The following MCC variants were observed in gnomAD, a reference collection of about 807,000 sequenced individuals.
The protein encoded by MCC is MCC regulator of Wnt signaling pathway.
MCC carries 90 observed loss-of-function variants against 116.2 expected under a neutral mutation model. That is an observed-to-expected ratio of 0.77 (90% CI 0.65 to 0.92). MCC has a LOEUF of 0.92. Ranked by LOEUF, MCC falls within the 40% of genes least tolerant of loss-of-function variation. The pLI is 0.00. For missense variants in MCC, 1,516 were observed against 1,312.2 expected (o/e 1.16, Z -2.40); for synonymous variants, 578 against 510.5 (o/e 1.13, Z -1.78).
intron 1 of MCC, among the ~76,000 whole-genome samples, chr5:113,462,284 C>A (rs1191515550): frequency 1.3e-5 from 2 of 152,170 alleles, no homozygotes; most frequent in Admixed American, 6.5e-5. Context: ...TTTTAAAACA[C>A]CTCATGCACA....
intron 3 of MCC, among the ~76,000 whole-genome samples, chr5:113,251,568 T>A (rs1193304914): frequency 1.3e-5 from 2 of 152,196 alleles, no homozygotes; most frequent in South Asian, 4.1e-4. Context: ...GGCTGTGGCC[T>A]CGTGGAGAAG....
intron 18 of MCC, among the ~76,000 whole-genome samples, chr5:113,028,635 A>T (rs985506301): frequency 6.6e-6 from 1 of 152,194 alleles, no homozygotes; most frequent in African/African-American, 2.4e-5. Context: ...ATTTTTTATT[A>T]TATGACTTCT....
intron 12 of MCC, among the ~76,000 whole-genome samples, chr5:113,069,968 CGTTTCAAAGGCA>C (rs1336331315): frequency 2.6e-5 from 4 of 152,202 alleles, no homozygotes; most frequent in African/African-American, 9.7e-5. Flanking sequence ...ACCAGCTCCT[CGTTTCAAAGGCA>C]GTTCATATTC....
At chr5:113,107,558 G>C (rs1756820484) in intron 6 of MCC, among the ~76,000 whole-genome samples, 1 of 152,132 alleles carries the variant, frequency 6.6e-6, no homozygotes, top group Non-Finnish European at 1.5e-5. Flanking sequence ...ACCAACTGGA[G>C]GCAAAGGACC....
chr5:113,330,612 A>G (rs1277442071), intron 3 of MCC, among the ~76,000 whole-genome samples: 1 of 152,244 alleles, frequency 6.6e-6, no homozygotes, highest in East Asian at 1.9e-4. Flanking sequence ...CTGTTTTTAT[A>G]AAATACTTCA....
At chr5:113,432,349 GA>G (rs1292872382) in intron 1 of MCC, among the ~76,000 whole-genome samples, 3 of 138,184 alleles carry the variant, frequency 2.2e-5, no homozygotes. Context: ...AAAAAGAAAA[GA>G]AAAAAAAACA....
intron 1 of MCC, among the ~76,000 whole-genome samples, chr5:113,429,437 T>C (rs1396812603): frequency 1.3e-5 from 2 of 152,184 alleles, no homozygotes; most frequent in African/African-American, 4.8e-5. Context: ...ATTTCTATTA[T>C]TTAAACCACC....
intron 13 of MCC, among the ~76,000 whole-genome samples, chr5:113,064,433 A>G (rs2150229992): frequency 6.6e-6 from 1 of 152,276 alleles, no homozygotes; most frequent in Admixed American, 6.5e-5. Context: ...GGATCACCAC[A>G]TTTCTGTTTC....
chr5:113,115,679 G>C (rs1757353633), intron 6 of MCC, among the ~76,000 whole-genome samples: 1 of 152,026 alleles, frequency 6.6e-6, no homozygotes, highest in Admixed American at 6.5e-5. Context: ...AGTTCCGTCA[G>C]TGGTTTCTGC....
rs2150439501 is a variant in MCC at position 113,488,364 on chromosome 5, G to GCCA, written c.50_51insTGG (p.Gly21dup). 6.6e-7 allele frequency: 1 copy of GCCA among 1,519,656 alleles called. No homozygotes were observed. Among genetic ancestry groups the GCCA allele is most frequent in the South Asian group, 1.2e-5 (1 of 80,162 alleles). 94.1% of individuals were successfully genotyped at this position (1,519,656 alleles called of 1,614,324 possible). ...TGCTGCTGCCGCTGCCGCCGCCGCCGCCGCCGCTGCTGGAGCTCCCCGCAG... is the reference window on the plus strand; with the variant it reads ...TGCTGCTGCCGCTGCCGCCGCCGCCGCCACCGCCGCTGCTGGAGCTCCCCGCAG... On this transcript the variant is annotated inframe_insertion, in exon 1 of 19. Coordinates refer to ENST00000408903, the MANE Select transcript of MCC (RefSeq NM_001085377.2).
intron 2 of MCC, among the ~76,000 whole-genome samples, chr5:113,367,629 T>TC (rs1554079169): frequency 2.0e-5 from 1 of 51,176 alleles, no homozygotes; most frequent in Admixed American, 1.9e-4. Context: ...AGGCAGAGGG[T>TC]GGGGGGGGGG....
intron 3 of MCC, among the ~76,000 whole-genome samples, chr5:113,278,819 G>A (rs546096749): frequency 6.6e-6 from 1 of 152,300 alleles, no homozygotes; most frequent in Non-Finnish European, 1.5e-5. Context: ...TGCTTTCAAA[G>A]TGCTTAGCAC....
At position 113,026,701 on chromosome 5, in the gene MCC, G is replaced by T. The variant is rs1248242025; in HGVS notation, c.*601C>A. 1 of 152,394 alleles carries T rather than the reference G, an allele frequency of 6.6e-6. No individual in the cohort carries two copies. Among genetic ancestry groups the T allele is most frequent in the Non-Finnish European group, 1.5e-5 (1 of 68,242 alleles). The allele number at this position is 152,394 out of a possible 1,614,324, so 9.4% of individuals were successfully genotyped here. ...AACTTTAGTGTATCTGGGACTGTAA[G>T]TAACACCTGTCTACGCTCTTCCCAT... On this transcript the variant is annotated 3_prime_UTR_variant, in exon 19 of 19. Coordinates refer to ENST00000408903, the MANE Select transcript of MCC (RefSeq NM_001085377.2).
chr5:113,122,567 C>T (rs1757796571), intron 6 of MCC, 117 bp downstream of exon 6: 1 of 1,139,768 alleles, frequency 8.8e-7, no homozygotes, highest in Non-Finnish European at 1.2e-6. Flanking sequence ...TGACTTCATC[C>T]ACTCAGCAAA....
chr5:113,058,083 AAAAC>A (rs1326911360), intron 14 of MCC, among the ~76,000 whole-genome samples: 1 of 152,178 alleles, frequency 6.6e-6, no homozygotes, highest in African/African-American at 2.4e-5. Context: ...AACCTATAGA[AAAAC>A]AAAGAATAAC....
At chr5:113,070,882 G>A (rs6866718) in intron 12 of MCC, among the ~76,000 whole-genome samples, 69,288 of 151,962 alleles carry the variant, frequency 0.46, 17,344 homozygotes, top group African/African-American at 0.69. Context: ...TAAATGAAAT[G>A]ATATTTAAGA....
chr5:113,050,117 G>A (rs10052525), intron 15 of MCC, among the ~76,000 whole-genome samples: 1 of 152,146 alleles, frequency 6.6e-6, no homozygotes, highest in South Asian at 2.1e-4. Flanking sequence ...GTTAGGTATT[G>A]CAACTATCTC....
At chr5:113,150,144 G>A (rs1157464522) in intron 4 of MCC, among the ~76,000 whole-genome samples, 1 of 152,038 alleles carries the variant, frequency 6.6e-6, no homozygotes. Flanking sequence ...TAGAGACAAA[G>A]GAAAGAAAAG....
intron 3 of MCC, among the ~76,000 whole-genome samples, chr5:113,316,547 G>T (rs1011108213): frequency 6.6e-6 from 1 of 152,162 alleles, no homozygotes; most frequent in South Asian, 2.1e-4. Flanking sequence ...CCAAGAGTGA[G>T]AGAAACTACA....
Sources: allele counts gnomAD v4.1 joint callset (sites outside exome capture counted in the v4.1 genomes callset), GRCh38; gene constraint gnomAD v4.1.1; transcripts MANE v1.5; gene names NCBI Gene and HGNC (gene_info 2026-07-23, HGNC 2026-07-21).